Variants in IQSEC1 observed in about 807,000 individuals in gnomAD.
The protein encoded by IQSEC1 is IQ motif and SEC7 domain-containing protein 1.
In IQSEC1, 31 loss-of-function variants were observed where a neutral mutation model predicts 91.0. The observed-to-expected ratio is 0.34, with a 90% confidence interval of 0.26 to 0.46. IQSEC1 has a LOEUF of 0.46. Ranked by LOEUF, IQSEC1 falls within the 20% of genes least tolerant of loss-of-function variation. The pLI is 1.00. For missense variants in IQSEC1, 1,388 were observed against 1,575.6 expected (o/e 0.88, Z 2.02); for synonymous variants, 699 against 662.6 (o/e 1.05, Z -0.84).
chr3:12,920,311 G>T, intron 6 of IQSEC1, 119 bp downstream of exon 6: 1 of 997,432 alleles, frequency 1.0e-6, no homozygotes, highest in Non-Finnish European at 1.5e-6. Flanking sequence ...AGACCCTGGA[G>T]TGCCGGAGCA....
At chr3:13,242,590 T>C (rs1022224173) in intron 1 of IQSEC1, among the ~76,000 whole-genome samples, 6 of 152,154 alleles carry the variant, frequency 3.9e-5, no homozygotes, top group African/African-American at 1.4e-4. Flanking sequence ...GTGTCTTCCT[T>C]AGGGGGAGGC....
upstream of IQSEC1, among the ~76,000 whole-genome samples, chr3:13,075,603 C>T (rs567679098): frequency 4.6e-5 from 7 of 152,334 alleles, no homozygotes; most frequent in South Asian, 2.1e-4. Context: ...TTCTTATAAA[C>T]GTACTCTCCT....
chr3:13,035,635 A>G (rs1042441398), intron 1 of IQSEC1, among the ~76,000 whole-genome samples: 1 of 152,138 alleles, frequency 6.6e-6, no homozygotes, highest in African/African-American at 2.4e-5. Context: ...GTGATTTGCT[A>G]TTGTGGTAGA....
At position 13,283,177 on chromosome 3, in the gene IQSEC1, C is replaced by T. The variant is rs866040954; in HGVS notation, c.-195G>A. ...TGCTCCCCGCGCCGCCGCGCTCCGC[C>T]GCCCGCTGCCCCGCGGACGCGCCGG... On this transcript the variant is annotated 5_prime_UTR_variant, in exon 1 of 16. Transcript: ENST00000648114. Among the ~76,000 whole-genome samples the T allele has an allele frequency of 3.9e-3, 574 of 146,088 alleles. 2 individuals carry two copies. The highest frequency in any genetic ancestry group is 4.7e-3 in the Admixed American group (70 of 14,788).
chr3:12,940,835 G>A lies in IQSEC1; in HGVS notation c.318+736C>T, dbSNP rs1036743453. 6.6e-6 allele frequency among the ~76,000 whole-genome samples: 1 copy of A among 152,202 alleles called. No individual in the cohort carries two copies. Among genetic ancestry groups the A allele is most frequent in the Non-Finnish European group, 1.5e-5 (1 of 68,010 alleles). ...CCTGCACTTGGAGGGACTTGGAAGC[G>A]AGAGCTCTTGGCCTCCCCAGGGACC... On this transcript the variant is annotated intron_variant, in intron 2 of 13. Coordinates refer to ENST00000613206, the MANE Select transcript of IQSEC1 (RefSeq NM_001134382.3). This position sits in a 1 kb window ranked among gnomAD's most constrained non-coding sequence, Gnocchi z 4.4.
At chr3:13,096,421 T>C (rs1028125411) in intron 2 of IQSEC1, among the ~76,000 whole-genome samples, 2 of 152,204 alleles carry the variant, frequency 1.3e-5, no homozygotes, top group Non-Finnish European at 2.9e-5. Flanking sequence ...TCTGTCACCA[T>C]ACACTGGGCC....
At chr3:13,031,375 G>A (rs192862609) in intron 1 of IQSEC1, among the ~76,000 whole-genome samples, 2 of 152,356 alleles carry the variant, frequency 1.3e-5, no homozygotes. Flanking sequence ...GGGCTCAGCT[G>A]GGGGACTCGG....
At chr3:13,144,898 G>A (rs73815411) in intron 2 of IQSEC1, among the ~76,000 whole-genome samples, 3,804 of 152,330 alleles carry the variant, frequency 0.025, 145 homozygotes, top group African/African-American at 0.086. Context: ...TTTTGATGGC[G>A]AGAGACTCTG....
chr3:13,134,129 C>T (rs529252484), intron 2 of IQSEC1, among the ~76,000 whole-genome samples: 1 of 152,338 alleles, frequency 6.6e-6, no homozygotes, highest in East Asian at 1.9e-4. Context: ...CCCTCCAGGG[C>T]ACCAAATAGC....
At chr3:13,254,668 G>A (rs115332198) in intron 1 of IQSEC1, among the ~76,000 whole-genome samples, 79 of 152,300 alleles carry the variant, frequency 5.2e-4, no homozygotes, top group Non-Finnish European at 9.1e-4. Context: ...GCTCCCTGGC[G>A]CTTCCTACTC....
chr3:13,070,062 G>C (rs553240154), intron 1 of IQSEC1, among the ~76,000 whole-genome samples: 21 of 152,050 alleles, frequency 1.4e-4, no homozygotes, highest in African/African-American at 4.8e-4. Flanking sequence ...GAGTGGAAGT[G>C]GCGAAAATGG....
intron 1 of IQSEC1, among the ~76,000 whole-genome samples, chr3:12,988,928 T>C (rs1701865290): frequency 6.6e-6 from 1 of 152,216 alleles, no homozygotes; most frequent in South Asian, 2.1e-4. Context: ...TGCTCTCTTA[T>C]GTCACAGACA....
intron 1 of IQSEC1, among the ~76,000 whole-genome samples, chr3:13,204,056 G>T (rs1423558767): frequency 6.6e-6 from 1 of 152,214 alleles, no homozygotes; most frequent in Non-Finnish European, 1.5e-5. Flanking sequence ...ACCCCCTCCA[G>T]GGTGGGGCTG....
chr3:13,211,969 C>G lies in IQSEC1; in HGVS notation c.273-47836G>C, dbSNP rs775290818. On this transcript the variant is annotated intron_variant, in intron 1 of 15. Transcript: ENST00000648114. This position sits in a 1 kb window ranked among gnomAD's most constrained non-coding sequence, Gnocchi z 5.3. ...AGCCCCTGTGGGCTCTGGCGCGTGT[C>G]GGTGCCCAGCCTCTGTGAGAGGCCC... Among the ~76,000 whole-genome samples the G allele has an allele frequency of 6.6e-6, 1 of 152,070 alleles. No homozygotes were observed. Among genetic ancestry groups the G allele is most frequent in the Non-Finnish European group, 1.5e-5 (1 of 68,006 alleles).
Position 12,994,725 on chromosome 3 carries a change from C to T in IQSEC1, c.24-52860G>A, listed in dbSNP as rs978144298. ...AGCTGCACCACGCTCCTCCGCGTCC[C>T]CTCCAGGACACACCCTCCTGACTGT... On this transcript the variant is annotated intron_variant, in intron 1 of 13. Transcript: ENST00000613206. The surrounding 1 kb of genome is among the most constrained non-coding windows in gnomAD (Gnocchi z 4.5). Among the ~76,000 whole-genome samples the T allele has an allele frequency of 6.6e-6, 1 of 152,194 alleles. No homozygotes were observed. The highest frequency in any genetic ancestry group is 1.5e-5 in the Non-Finnish European group (1 of 68,026).
chr3:13,175,968 A>G (rs1172835001), intron 1 of IQSEC1, among the ~76,000 whole-genome samples: 1 of 152,246 alleles, frequency 6.6e-6, no homozygotes, highest in Admixed American at 6.5e-5. Context: ...CTGGGGGCAC[A>G]CAAGCACCCA....
chr3:13,162,257 G>A (rs1278166765), intron 2 of IQSEC1, among the ~76,000 whole-genome samples: 1 of 152,204 alleles, frequency 6.6e-6, no homozygotes, highest in East Asian at 1.9e-4. Flanking sequence ...GGAAGACAGA[G>A]GGAGAAGGGC....
chr3:13,002,425 T>A (rs879081925), intron 1 of IQSEC1, among the ~76,000 whole-genome samples: 2 of 152,066 alleles, frequency 1.3e-5, no homozygotes, highest in Admixed American at 6.6e-5. Flanking sequence ...CTCATGCCTG[T>A]AATCTCAGCA....
chr3:12,933,215 G>A (rs539815781), intron 3 of IQSEC1, among the ~76,000 whole-genome samples: 4 of 152,300 alleles, frequency 2.6e-5, no homozygotes, highest in African/African-American at 9.6e-5. Flanking sequence ...AACTAAAAAC[G>A]TGCCTAGCTA....
Sources: allele counts gnomAD v4.1 joint callset (sites outside exome capture counted in the v4.1 genomes callset), GRCh38; gene constraint gnomAD v4.1.1; non-coding constraint Gnocchi (gnomAD v3.1); transcripts MANE v1.5; gene names NCBI Gene and HGNC (gene_info 2026-07-23, HGNC 2026-07-21).